Variants in COL21A1 observed in about 807,000 individuals in gnomAD.
COL21A1 encodes collagen type XXI alpha 1 chain, also known as collagen alpha-1(XXI) chain.
Under a neutral mutation model 137.9 loss-of-function variants are expected in COL21A1, and 149 were observed. The observed-to-expected ratio is 1.08, with a 90% confidence interval of 0.95 to 1.24. COL21A1 has a LOEUF of 1.24. Ranked by LOEUF, COL21A1 falls within the 50% of genes most tolerant of loss-of-function variation. The probability of loss-of-function intolerance (pLI) is 0.00; values close to 1 mark genes in which losing one functional copy is unlikely to be tolerated. For synonymous variants in COL21A1, 456 were observed against 391.5 expected, an observed-to-expected ratio of 1.16 and a Z score of -1.95; for missense variants, 1,167 against 1,158.4, an observed-to-expected ratio of 1.01 and a Z score of -0.11.
intron 1 of COL21A1, chr6:56,276,519 CT>C (rs1407276592): frequency 8.4e-7 from 1 of 1,187,932 alleles, no homozygotes; most frequent in African/African-American, 1.5e-5. Flanking sequence ...CAGAAAACAC[CT>C]TCATATTAAT....
At chr6:56,341,211 A>G (rs1765461187) in intron 1 of COL21A1, among the ~76,000 whole-genome samples, 1 of 152,246 alleles carries the variant, frequency 6.6e-6, no homozygotes, top group African/African-American at 2.4e-5. Flanking sequence ...GAATATCGGT[A>G]TATAAGGAAA....
intron 17 of COL21A1, among the ~76,000 whole-genome samples, chr6:56,080,053 G>A (rs898639222): frequency 1.3e-5 from 2 of 151,518 alleles, no homozygotes; most frequent in Non-Finnish European, 3.0e-5. Context: ...TATTTTCCTG[G>A]GCTCCCAATA....
chr6:56,216,578 C>T (rs1780502779), intron 1 of COL21A1, among the ~76,000 whole-genome samples: 1 of 152,066 alleles, frequency 6.6e-6, no homozygotes, highest in Non-Finnish European at 1.5e-5. Flanking sequence ...AAAAGAAATT[C>T]TTGATAAGGG....
Position 56,179,945 on chromosome 6 carries a change from G to A in COL21A1, c.273C>T (p.Leu91=), listed in dbSNP as rs182718262. ...AATGTTCTCCTGAATCATAGCTTCC[G>A]AGAGGAATCTCCAGCACAGGGTAGT... ...YSDYPVLEIP[L]GSYDSGEHLT... is the part of the protein sequence containing the mutation. The change falls in exon 3 of 30, where the codon CTC becomes CTT. Residue 91 remains leucine (L), a synonymous_variant. Coordinates refer to ENST00000244728, the MANE Select transcript of COL21A1 (RefSeq NM_030820.4). 1.7e-5 allele frequency: 28 copies of A among 1,613,784 alleles called. No homozygotes were observed. In the African/African-American group the frequency reaches 2.0e-4, roughly 12 times the overall value.
chr6:56,202,448 C>T (rs1779473437), intron 1 of COL21A1, among the ~76,000 whole-genome samples: 1 of 152,188 alleles, frequency 6.6e-6, no homozygotes, highest in South Asian at 2.1e-4. Flanking sequence ...TTCATCACTG[C>T]ATGATTAGTG....
At position 56,097,786 on chromosome 6, in the gene COL21A1, AAT is replaced by A. The variant is rs1483340350; in HGVS notation, c.1812+3684_1812+3685del. The stretch of plus-strand genomic sequence containing the variant: ...ATATAAATATATATAAATATATAAA[AAT>A]ATATATATAAATCTATATAAATATA... On this transcript the variant is annotated intron_variant, in intron 17 of 29. Coordinates refer to ENST00000244728, the MANE Select transcript of COL21A1 (RefSeq NM_030820.4). 2.4e-3 allele frequency among the ~76,000 whole-genome samples: 276 copies of A among 113,636 alleles called. 21 individuals are homozygous for A. The highest frequency in any genetic ancestry group is 4.0e-3 in the Non-Finnish European group (221 of 55,894). The allele number at this position is 113,636 out of a possible 152,430, so 74.5% of individuals were successfully genotyped here. A position where few individuals can be genotyped will look rare whatever the true frequency, so the allele number is the denominator to read the frequency against.
At chr6:56,259,371 G>A (rs143038093) in intron 1 of COL21A1, among the ~76,000 whole-genome samples, 45 of 152,192 alleles carry the variant, frequency 3.0e-4, no homozygotes, top group African/African-American at 1.1e-3. Context: ...CTCTGACTCC[G>A]CACCACTGGT....
At chr6:56,156,504 T>C in intron 10 of COL21A1, among the ~76,000 whole-genome samples, 1 of 152,184 alleles carries the variant, frequency 6.6e-6, no homozygotes, top group East Asian at 1.9e-4. Flanking sequence ...CTTTGAAATG[T>C]AATCATCAAG....
At chr6:56,168,369 C>A in intron 5 of COL21A1, 72 bp from the exon 6 acceptor site, 1 of 1,266,804 alleles carries the variant, frequency 7.9e-7, no homozygotes, top group South Asian at 2.0e-5. Flanking sequence ...GTTCTTACTC[C>A]CTTGTTCCTA....
At chr6:56,393,571 G>T (rs942226559) in intron 1 of COL21A1, among the ~76,000 whole-genome samples, 1 of 152,110 alleles carries the variant, frequency 6.6e-6, no homozygotes, top group South Asian at 2.1e-4. Flanking sequence ...GTGGATTGGT[G>T]GAATTGTTAG....
At chr6:56,122,899 C>T (rs1269803076) in intron 16 of COL21A1, among the ~76,000 whole-genome samples, 2 of 152,118 alleles carry the variant, frequency 1.3e-5, no homozygotes, top group Admixed American at 1.3e-4. Flanking sequence ...AAATATTTGC[C>T]AGAGAACATA....
chr6:56,201,387 T>C (rs914531668), intron 1 of COL21A1, among the ~76,000 whole-genome samples: 1 of 152,174 alleles, frequency 6.6e-6, no homozygotes, highest in Non-Finnish European at 1.5e-5. Context: ...CCCATGCCTA[T>C]GTCCTGAATG....
At chr6:56,261,084 A>G (rs942443638) in intron 1 of COL21A1, among the ~76,000 whole-genome samples, 3 of 151,794 alleles carry the variant, frequency 2.0e-5, no homozygotes, top group African/African-American at 7.3e-5. Context: ...GGAGCTGACT[A>G]TAATTCTACT....
chr6:56,143,053 A>G (rs1774541974), intron 10 of COL21A1, among the ~76,000 whole-genome samples: 1 of 152,018 alleles, frequency 6.6e-6, no homozygotes. Flanking sequence ...TATCCTTTCT[A>G]ATATTCTTTG....
At chr6:56,391,329 A>T (rs943946993) in intron 1 of COL21A1, among the ~76,000 whole-genome samples, 2 of 152,072 alleles carry the variant, frequency 1.3e-5, no homozygotes, top group African/African-American at 4.8e-5. Flanking sequence ...ATAACAATAG[A>T]CACTTCCATC....
At chr6:56,095,133 C>A (rs757794181) in intron 17 of COL21A1, among the ~76,000 whole-genome samples, 5 of 152,066 alleles carry the variant, frequency 3.3e-5, no homozygotes, top group Non-Finnish European at 7.4e-5. Flanking sequence ...TTTTTACAAG[C>A]CTATTATTTT....
At chr6:56,107,323 A>G (rs1771034029) in intron 16 of COL21A1, among the ~76,000 whole-genome samples, 1 of 152,116 alleles carries the variant, frequency 6.6e-6, no homozygotes, top group Non-Finnish European at 1.5e-5. Flanking sequence ...AAACGATAGA[A>G]GACAAATAAA....
At chr6:56,371,773 C>T (rs938574553) in intron 1 of COL21A1, among the ~76,000 whole-genome samples, 4 of 152,154 alleles carry the variant, frequency 2.6e-5, no homozygotes, top group African/African-American at 9.7e-5. Flanking sequence ...ACTTTCCATT[C>T]ATATGTTATT....
intron 1 of COL21A1, among the ~76,000 whole-genome samples, chr6:56,376,476 A>C (rs1463131734): frequency 5.3e-5 from 8 of 151,882 alleles, no homozygotes; most frequent in Admixed American, 1.3e-4. Context: ...ATGTGAGAAT[A>C]TTTATATGCA....
Sources: allele counts gnomAD v4.1 joint callset (sites outside exome capture counted in the v4.1 genomes callset), GRCh38; gene constraint gnomAD v4.1.1; transcripts MANE v1.5; gene names NCBI Gene and HGNC (gene_info 2026-07-23, HGNC 2026-07-21).